The following ABCC4 variants were observed in gnomAD, a reference collection of about 807,000 sequenced individuals.
ABCC4 encodes ATP-binding cassette sub-family C member 4.
A neutral mutation model predicts 168.5 loss-of-function variants in ABCC4; 102 were observed. The ratio of observed to expected loss-of-function variants is 0.61; its 90% confidence interval spans 0.52 to 0.71. ABCC4 has a LOEUF of 0.71. Among genes scored for constraint, ABCC4 ranks in the 30% least tolerant of loss-of-function variants. ABCC4 has a pLI of 0.00. For missense variants in ABCC4, 1,402 were observed against 1,605.8 expected, an observed-to-expected ratio of 0.87 and a Z score of 2.17; for synonymous variants, 617 against 590.7, an observed-to-expected ratio of 1.04 and a Z score of -0.65.
chr13:95,048,060 T>C (rs565084832), intron 27 of ABCC4, among the ~76,000 whole-genome samples: 6 of 152,318 alleles, frequency 3.9e-5, no homozygotes, highest in Admixed American at 3.9e-4. Context: ...TCTATTCTTA[T>C]AAATTACAAA....
Position 95,247,668 on chromosome 13 carries a change from G to A in ABCC4, c.160C>T (p.Gln54Ter). The A allele has an allele frequency of 3.1e-6, 5 of 1,613,978 alleles. No individual in the cohort carries two copies. The highest frequency in any genetic ancestry group is 4.2e-6 in the Non-Finnish European group (5 of 1,179,928). ...CCTTGCAACTCCTCTCCAAGGTGCTGTGAGCGGTCTTCTGGCAGCACTGAA... is the reference window on the plus strand; with the variant it reads ...CCTTGCAACTCCTCTCCAAGGTGCTATGAGCGGTCTTCTGGCAGCACTGAA... ...MYSVLPEDRS[Q>*]HLGEELQGFW... is the part of the protein sequence containing the mutation. Residue 54 changes from glutamine (Q) to a stop codon, truncating the protein, a stop_gained, in exon 2 of 31, where the codon CAG (glutamine) becomes TAG (stop). Transcript: ENST00000645237. LOFTEE classifies it high-confidence loss of function.
At position 95,186,725 on chromosome 13, in the gene ABCC4, G is replaced by C; in HGVS notation, c.1521C>G (p.Val507=). 6.2e-7 allele frequency: 1 copy of C among 1,613,918 alleles called. No homozygotes were observed. Among genetic ancestry groups the C allele is most frequent in the African/African-American group, 1.3e-5 (1 of 75,026 alleles). ...CCTTTTTCAGAGCACAAGCCTTTATGACTTTTTCATATCGTTCCTTTTCGT... is the reference window on the plus strand; with the variant it reads ...CCTTTTTCAGAGCACAAGCCTTTATCACTTTTTCATATCGTTCCTTTTCGT... The part of the protein sequence containing the change: ...KKYEKERYEK[V]IKACALKKDL... Residue 507 remains valine (V), a synonymous_variant, in exon 11 of 31, where the codon GTC becomes GTG. Transcript: ENST00000645237.
In ABCC4 at chr13:95,234,706, C is replaced by G. The variant is rs202075826; in HGVS notation, c.435G>C (p.Thr145=). The part of the protein sequence containing the change: ...YAYATVLTFC[T]LILAILHHLY... ...AGTGATGCAGTATAGCCAAAATGAG[C>G]GTGCAAAAAGTCAGCACCGTGGCAT... The change falls in exon 4 of 31, where the codon ACG becomes ACC. Residue 145 remains threonine, a synonymous_variant. Transcript: ENST00000645237. The G allele has an allele frequency of 3.7e-5, 59 of 1,613,948 alleles. No homozygotes were observed. The highest frequency in any genetic ancestry group is 4.7e-5 in the Non-Finnish European group (55 of 1,179,996).
At chr13:95,223,570 C>CA (rs2039365226) in intron 4 of ABCC4, among the ~76,000 whole-genome samples, 1 of 152,170 alleles carries the variant, frequency 6.6e-6, no homozygotes, top group African/African-American at 2.4e-5. Context: ...GGTGTGATCT[C>CA]AGCTCACTGC....
At chr13:95,094,427 C>T (rs533988303) in intron 20 of ABCC4, among the ~76,000 whole-genome samples, 35 of 152,196 alleles carry the variant, frequency 2.3e-4, no homozygotes, top group African/African-American at 7.5e-4. Flanking sequence ...GAAAGGACAC[C>T]CTTTTCAACA....
intron 19 of ABCC4, among the ~76,000 whole-genome samples, chr13:95,138,680 C>T (rs1164930117): frequency 6.6e-6 from 1 of 152,118 alleles, no homozygotes; most frequent in Non-Finnish European, 1.5e-5. Context: ...TTTAAAAATC[C>T]AAATGAGTCC....
intron 25 of ABCC4, among the ~76,000 whole-genome samples, chr13:95,070,575 C>G (rs991216311): frequency 2.6e-5 from 4 of 152,322 alleles, no homozygotes; most frequent in Middle Eastern, 3.4e-3. Context: ...ACACAGCCTC[C>G]CAAGTCCCTC....
At chr13:95,167,363 C>G (rs1477147588) in intron 14 of ABCC4, among the ~76,000 whole-genome samples, 1 of 151,848 alleles carries the variant, frequency 6.6e-6, no homozygotes, top group Non-Finnish European at 1.5e-5. Context: ...GAAATGAGAC[C>G]CAACTGATTT....
rs140148523 is a variant in ABCC4 at position 95,107,925 on chromosome 13, C to T, written c.2535+7997G>A. Among the ~76,000 whole-genome samples the T allele has an allele frequency of 5.5e-4, 83 of 152,082 alleles. 1 individual carries two copies. The highest frequency in any genetic ancestry group is 1.9e-3 in the African/African-American group (79 of 41,492). Reference sequence around the variant, plus strand: ...CTGCACTCCAGCCTGGGCGACAGAGCGAGACCCCATCTCAAAAAAAAGAAA... The same window carrying T: ...CTGCACTCCAGCCTGGGCGACAGAGTGAGACCCCATCTCAAAAAAAAGAAA... On this transcript the variant is annotated intron_variant, in intron 20 of 30. Transcript: ENST00000645237.
chr13:95,024,043 C>T (rs564195421), intron 30 of ABCC4, among the ~76,000 whole-genome samples: 42 of 151,878 alleles, frequency 2.8e-4, no homozygotes, highest in East Asian at 7.8e-4. Flanking sequence ...CCCATCTCTA[C>T]GAAAAATACA....
chr13:95,186,301 G>A (rs991842894), intron 11 of ABCC4, among the ~76,000 whole-genome samples: 6 of 152,184 alleles, frequency 3.9e-5, no homozygotes, highest in African/African-American at 1.2e-4. Context: ...TGGGTTGGGG[G>A]TGGAGCTAGC....
intron 21 of ABCC4, among the ~76,000 whole-genome samples, chr13:95,078,601 T>C (rs2033988627): frequency 6.6e-6 from 1 of 152,176 alleles, no homozygotes; most frequent in South Asian, 2.1e-4. Flanking sequence ...GCACAGGTCT[T>C]TTCTGCACGC....
chr13:95,204,239 G>A (rs2038717182), intron 8 of ABCC4, among the ~76,000 whole-genome samples: 1 of 152,098 alleles, frequency 6.6e-6, no homozygotes, highest in African/African-American at 2.4e-5. Flanking sequence ...AAGAAACAGA[G>A]AACCTTTCAA....
chr13:95,161,481 C>G, intron 18 of ABCC4, 146 bp from the exon 19 acceptor site: 1 of 543,390 alleles, frequency 1.8e-6, no homozygotes, highest in Non-Finnish European at 2.9e-6. Flanking sequence ...AATGTATTTA[C>G]AAAATACATT....
intron 19 of ABCC4, among the ~76,000 whole-genome samples, chr13:95,155,284 A>C (rs1311519590): frequency 6.6e-6 from 1 of 151,650 alleles, no homozygotes; most frequent in Non-Finnish European, 1.5e-5. Flanking sequence ...GACCTCCCAG[A>C]CTCAAGTAAT....
chr13:95,118,352 T>C (rs1436282146), intron 19 of ABCC4, among the ~76,000 whole-genome samples: 1 of 152,044 alleles, frequency 6.6e-6, no homozygotes, highest in Non-Finnish European at 1.5e-5. Context: ...CAAGTGATTC[T>C]CCTGCCTCAG....
chr13:95,220,327 A>G (rs1211968061), intron 4 of ABCC4, among the ~76,000 whole-genome samples: 2 of 152,250 alleles, frequency 1.3e-5, no homozygotes, highest in Non-Finnish European at 2.9e-5. Flanking sequence ...ACTAAGAATC[A>G]GTCAAAATGA....
At chr13:95,141,840 A>T (rs1166547249) in intron 19 of ABCC4, among the ~76,000 whole-genome samples, 1 of 152,176 alleles carries the variant, frequency 6.6e-6, no homozygotes. Context: ...GGCTCAAGGG[A>T]TCATCCTGAA....
Position 95,164,493 on chromosome 13 carries a change from G to A in ABCC4, c.2060C>T (p.Ser687Leu), listed in dbSNP as rs1277505284. The part of the protein sequence containing the change: ...QDTENVPVTL[S>L]EENRSEGKVG... ...TTTTCCTTCAGAACGGTTCTCCTCT[G>A]ATAGTGTAACTGGGACATTCTCTGT... The change falls in exon 16 of 31, where the codon TCA (serine) becomes TTA (leucine). Residue 687 changes from serine (S) to leucine (L), a missense_variant. By Grantham distance (145) the Ser-to-Leu change is moderately radical (BLOSUM62 -2). Coordinates refer to ENST00000645237, the MANE Select transcript of ABCC4 (RefSeq NM_005845.5). 1.2e-6 allele frequency: 2 copies of A among 1,613,972 alleles called. No homozygotes were observed. Among genetic ancestry groups the A allele is most frequent in the African/African-American group, 1.3e-5 (1 of 74,898 alleles).
Sources: allele counts gnomAD v4.1 joint callset (sites outside exome capture counted in the v4.1 genomes callset), GRCh38; gene constraint gnomAD v4.1.1; transcripts MANE v1.5; gene names NCBI Gene and HGNC (gene_info 2026-07-23, HGNC 2026-07-21).